GRID2: variants seen among roughly 807,000 people sequenced by gnomAD.
GRID2 encodes the protein glutamate receptor ionotropic, delta-2.
Under a neutral mutation model 114.8 loss-of-function variants are expected in GRID2, and 33 were observed. The observed-to-expected ratio is 0.29, with a 90% CI of 0.22 to 0.38. The LOEUF (loss-of-function observed/expected upper bound fraction) is 0.38, where lower values mean the gene tolerates loss of function less well. GRID2 is among the 10% of genes least tolerant of loss of function. The pLI is 1.00. For missense variants in GRID2, 1,184 were observed against 1,257.7 expected, an observed-to-expected ratio of 0.94 and a Z score of 0.89; for synonymous variants, 505 against 449.9, an observed-to-expected ratio of 1.12 and a Z score of -1.55.
intron 8 of GRID2, among the ~76,000 whole-genome samples, chr4:93,244,478 TATTATATAATCTATTAATTAATA>T (rs1747912342): frequency 7.3e-6 from 1 of 136,232 alleles, no homozygotes; most frequent in South Asian, 2.4e-4. Flanking sequence ...AAGGATATTA[TATTATATAATCTATTAATTAATA>T]GATTATATAA....
chr4:93,333,606 A>C (rs942660235), intron 8 of GRID2, among the ~76,000 whole-genome samples: 1 of 152,204 alleles, frequency 6.6e-6, no homozygotes, highest in Admixed American at 6.5e-5. Context: ...CAATACTTAA[A>C]TATCCACTGG....
intron 2 of GRID2, among the ~76,000 whole-genome samples, chr4:93,020,564 T>C (rs1235105582): frequency 6.6e-6 from 1 of 152,172 alleles, no homozygotes; most frequent in Non-Finnish European, 1.5e-5. Flanking sequence ...CAAAGACTAA[T>C]GTGGGTTTAA....
chr4:92,377,649 T>A (rs1729418617), intron 1 of GRID2, among the ~76,000 whole-genome samples: 1 of 152,034 alleles, frequency 6.6e-6, no homozygotes, highest in Non-Finnish European at 1.5e-5. Context: ...GAAAAAGAAG[T>A]TTAATGGACT....
At chr4:93,234,923 C>T (rs192977357) in intron 7 of GRID2, among the ~76,000 whole-genome samples, 19 of 152,128 alleles carry the variant, frequency 1.2e-4, no homozygotes, top group South Asian at 4.1e-4. Flanking sequence ...GGAAATTAGA[C>T]GAGTATGATA....
At chr4:93,552,703 A>G (rs1005069988) in intron 13 of GRID2, among the ~76,000 whole-genome samples, 6 of 152,182 alleles carry the variant, frequency 3.9e-5, no homozygotes, top group Non-Finnish European at 8.8e-5. Context: ...TTACATAGGT[A>G]TACATGTGCC....
At chr4:92,970,319 C>T (rs955630922) in intron 2 of GRID2, among the ~76,000 whole-genome samples, 1 of 151,836 alleles carries the variant, frequency 6.6e-6, no homozygotes, top group African/African-American at 2.4e-5. Flanking sequence ...TCAGTCTCTT[C>T]AATCACCAAA....
At chr4:92,785,481 G>T (rs1739278984) in intron 2 of GRID2, among the ~76,000 whole-genome samples, 1 of 151,382 alleles carries the variant, frequency 6.6e-6, no homozygotes, top group African/African-American at 2.4e-5. Context: ...AAAAATATAA[G>T]AAATTAACTT....
chr4:93,677,674 C>G (rs1725041773), intron 14 of GRID2, among the ~76,000 whole-genome samples: 1 of 152,174 alleles, frequency 6.6e-6, no homozygotes. Flanking sequence ...CAAACAGGGT[C>G]TGGAGTGGAC....
chr4:93,542,711 G>A (rs1732776354), intron 13 of GRID2, among the ~76,000 whole-genome samples: 1 of 152,172 alleles, frequency 6.6e-6, no homozygotes, highest in Admixed American at 6.6e-5. Flanking sequence ...GCAATGCTCA[G>A]AAGGCAGGAG....
chr4:93,472,100 G>A (rs140708444), intron 11 of GRID2, among the ~76,000 whole-genome samples: 2,604 of 151,160 alleles, frequency 0.017, 64 homozygotes, highest in African/African-American at 0.06. Flanking sequence ...TGAGGCGGGC[G>A]GATCACCTGA....
intron 2 of GRID2, among the ~76,000 whole-genome samples, chr4:92,951,138 G>A (rs1361221490): frequency 2.0e-5 from 3 of 152,012 alleles, no homozygotes; most frequent in Non-Finnish European, 2.9e-5. Context: ...TTCTATGTAT[G>A]TAGAGATAAT....
intron 3 of GRID2, among the ~76,000 whole-genome samples, chr4:93,089,228 G>T (rs909381412): frequency 6.6e-6 from 1 of 152,174 alleles, no homozygotes; most frequent in South Asian, 2.1e-4. Flanking sequence ...CCAACAGATT[G>T]TGAAATAAAA....
chr4:93,252,094 GCTT>G (rs1280465768), intron 8 of GRID2, among the ~76,000 whole-genome samples: 1 of 152,042 alleles, frequency 6.6e-6, no homozygotes, highest in African/African-American at 2.4e-5. Flanking sequence ...GTCAATTTTT[GCTT>G]TTGCTGCAAT....
intron 1 of GRID2, among the ~76,000 whole-genome samples, chr4:92,380,866 G>C (rs1006236396): frequency 4.0e-5 from 6 of 151,826 alleles, no homozygotes; most frequent in Non-Finnish European, 7.4e-5. Flanking sequence ...TCCTCTGTAA[G>C]TGTAAATTTG....
intron 1 of GRID2, among the ~76,000 whole-genome samples, chr4:92,503,796 T>G (rs1294534671): frequency 6.6e-6 from 1 of 152,150 alleles, no homozygotes; most frequent in Non-Finnish European, 1.5e-5. Flanking sequence ...AGGAAAGTTT[T>G]TCTACTTAAT....
chr4:92,348,934 G>T (rs1727922740), intron 1 of GRID2, among the ~76,000 whole-genome samples: 1 of 151,914 alleles, frequency 6.6e-6, no homozygotes, highest in African/African-American at 2.4e-5. Context: ...GCCTTAAATT[G>T]GTGGACCTAA....
chr4:92,653,037 C>T (rs1391401199), intron 2 of GRID2, among the ~76,000 whole-genome samples: 20 of 142,410 alleles, frequency 1.4e-4, no homozygotes, highest in African/African-American at 4.9e-4. Context: ...TCTAAGTTGG[C>T]GTCTCACTCT....
intron 4 of GRID2, among the ~76,000 whole-genome samples, chr4:93,172,192 GT>G (rs1242549736): frequency 6.6e-6 from 1 of 152,154 alleles, no homozygotes; most frequent in East Asian, 1.9e-4. Flanking sequence ...GTGTTCTTAA[GT>G]TTTGTGGTAG....
rs72885761 is a variant in GRID2, at chr4:93,049,519, C to A, written c.245-35476C>A. 4.7e-3 allele frequency among the ~76,000 whole-genome samples: 708 copies of A among 151,270 alleles called. 6 individuals carry two copies. Among genetic ancestry groups the A allele is most frequent in the African/African-American group, 0.015 (612 of 41,370 alleles). ...TGTGAGTCTGAAATTATCCCCCCCC[C>A]AAAAAAATTAATGCATTAACACAAA... On this transcript the variant is annotated intron_variant, in intron 2 of 15. Transcript: ENST00000282020.
Sources: gnomAD v4.1 joint callset for allele counts (sites outside exome capture counted in the v4.1 genomes callset) on GRCh38, gnomAD v4.1.1 for gene constraint, MANE v1.5 for transcripts, NCBI Gene and HGNC (gene_info 2026-07-23, HGNC 2026-07-21) for gene names.